The following CNGB3 variants were observed in gnomAD, a reference collection of about 807,000 sequenced individuals.
The protein encoded by CNGB3 is cyclic nucleotide gated channel subunit beta 3, also known as cyclic nucleotide-gated channel beta-3.
A neutral mutation model predicts 92.8 loss-of-function variants in CNGB3; 86 were observed. The ratio of observed to expected loss-of-function variants is 0.93; its 90% CI spans 0.78 to 1.11. The LOEUF (loss-of-function observed/expected upper bound fraction) is 1.11, where lower values mean the gene tolerates loss of function less well. Ranked by LOEUF, CNGB3 falls within the 50% of genes least tolerant of loss-of-function variation. CNGB3 has a pLI of 0.00. For missense variants in CNGB3, 1,026 were observed against 956.8 expected (o/e 1.07, Z -0.95); for synonymous variants, 333 against 332.7 (o/e 1.00, Z -0.01).
chr8:86,665,534 TG>T (rs34682621), intron 6 of CNGB3, among the ~76,000 whole-genome samples: 135,918 of 152,240 alleles, frequency 0.89, 60,955 homozygotes, highest in East Asian at 1. Flanking sequence ...CCACTAACAG[TG>T]GGACTGAATA....
intron 1 of CNGB3, among the ~76,000 whole-genome samples, chr8:86,742,262 G>A (rs1362049743): frequency 6.6e-6 from 1 of 152,214 alleles, no homozygotes; most frequent in Non-Finnish European, 1.5e-5. Context: ...AAGACTAGCT[G>A]AAGGAAAGTA....
At chr8:86,676,410 A>C (rs2131623654) in intron 3 of CNGB3, among the ~76,000 whole-genome samples, 1 of 152,302 alleles carries the variant, frequency 6.6e-6, no homozygotes, top group Admixed American at 6.5e-5. Context: ...AGAATACAAT[A>C]AAGGCTCAAA....
chr8:86,658,368 C>T, intron 6 of CNGB3: 1 of 437,814 alleles, frequency 2.3e-6, no homozygotes, highest in Non-Finnish European at 4.3e-6. Context: ...ATCTCCTTCC[C>T]CATGGAGAGC....
At position 86,575,126 on chromosome 8, in the gene CNGB3, G is replaced by T. The variant is rs1243095743; in HGVS notation, c.*678C>A. ...ATTGAAGTTTATTTCTTTAGTAAAGGGTACAATTTTTCCAATATGTTCCTG... is the reference window on the plus strand; with the variant it reads ...ATTGAAGTTTATTTCTTTAGTAAAGTGTACAATTTTTCCAATATGTTCCTG... On this transcript the variant is annotated 3_prime_UTR_variant, in exon 18 of 18. Coordinates refer to ENST00000320005, the MANE Select transcript of CNGB3 (RefSeq NM_019098.5). 2 of 152,022 alleles carry T rather than the reference G, an allele frequency of 1.3e-5. No individual in the cohort carries two copies. The highest frequency in any genetic ancestry group is 4.1e-4 in the South Asian group (2 of 4,826). The allele number at this position is 152,022 out of a possible 1,614,324, so 9.4% of individuals were successfully genotyped here.
intron 6 of CNGB3, chr8:86,658,583 C>A: frequency 2.9e-6 from 1 of 347,826 alleles, no homozygotes; most frequent in African/African-American, 2.1e-5. Flanking sequence ...GATAGGTGGC[C>A]ACATACTGCT....
chr8:86,592,006 G>T (rs201715884), intron 15 of CNGB3, among the ~76,000 whole-genome samples: 44 of 152,342 alleles, frequency 2.9e-4, no homozygotes, highest in Non-Finnish European at 5.6e-4. Flanking sequence ...CGTGGGCGTA[G>T]GACCCTCTGA....
intron 15 of CNGB3, among the ~76,000 whole-genome samples, chr8:86,603,837 A>G (rs971783664): frequency 6.6e-6 from 1 of 152,182 alleles, no homozygotes; most frequent in African/African-American, 2.4e-5. Context: ...TTGCACATCC[A>G]TTCAACATAT....
chr8:86,729,843 C>A (rs1000478806), intron 2 of CNGB3, among the ~76,000 whole-genome samples: 3 of 152,218 alleles, frequency 2.0e-5, no homozygotes, highest in Non-Finnish European at 4.4e-5. Context: ...CATTGTGATT[C>A]TTCCCAGCTT....
At chr8:86,659,179 C>T (rs902254116) in intron 6 of CNGB3, 22 of 713,024 alleles carry the variant, frequency 3.1e-5, no homozygotes, top group East Asian at 9.9e-5. Context: ...AATGTGTGCA[C>T]CTGCTCTGAC....
intron 15 of CNGB3, among the ~76,000 whole-genome samples, chr8:86,583,847 G>A (rs377481534): frequency 2.3e-4 from 35 of 149,020 alleles, no homozygotes; most frequent in African/African-American, 6.2e-4. Flanking sequence ...TTGACCCTGG[G>A]AGGTTGAGGC....
In CNGB3 at chr8:86,666,959, G is replaced by C. The variant is rs1466687341; in HGVS notation, c.818C>G (p.Pro273Arg). 5 of 1,612,972 alleles carry C rather than the reference G, an allele frequency of 3.1e-6. No homozygotes were observed. The highest frequency in any genetic ancestry group is 4.2e-6 in the Non-Finnish European group (5 of 1,179,980). Residue 273 changes from proline (P) to arginine (R), a missense_variant, in exon 6 of 18, where the codon CCC (proline) becomes CGC (arginine). Pro to Arg is a moderately radical substitution (Grantham distance 103). Coordinates refer to ENST00000320005, the MANE Select transcript of CNGB3 (RefSeq NM_019098.5). ...IYLYDMLFIQ[P>R]RLQFVRGGDI... ...TCCTCCTCTTACAAACTGGAGTCTG[G>C]GCTGGATAAATAGCATATCATAAAG...
intron 3 of CNGB3, among the ~76,000 whole-genome samples, chr8:86,722,699 T>C (rs996551272): frequency 3.3e-5 from 5 of 152,176 alleles, no homozygotes; most frequent in Non-Finnish European, 7.3e-5. Flanking sequence ...GCAAAGAAGC[T>C]GACTCTCCTG....
At position 86,601,334 on chromosome 8, in the gene CNGB3, A is replaced by G. The variant is rs544522043; in HGVS notation, c.1781+2759T>C. Among the ~76,000 whole-genome samples the G allele has an allele frequency of 3.3e-5, 5 of 152,318 alleles. No homozygotes were observed. In the South Asian group the frequency reaches 1.0e-3, roughly 32 times the overall value. ...GGAAAATGATGGACCTGGAACCACCACAAGGCCATCTCTCAGCAGACCCTG... is the reference window on the plus strand; with the variant it reads ...GGAAAATGATGGACCTGGAACCACCGCAAGGCCATCTCTCAGCAGACCCTG... On this transcript the variant is annotated intron_variant, in intron 15 of 17. Coordinates refer to ENST00000320005, the MANE Select transcript of CNGB3 (RefSeq NM_019098.5).
intron 3 of CNGB3, among the ~76,000 whole-genome samples, chr8:86,690,482 C>A (rs1824289722): frequency 6.6e-6 from 1 of 152,078 alleles, no homozygotes; most frequent in African/African-American, 2.4e-5. Flanking sequence ...GAGTAGATTG[C>A]AAAAATTTTC....
chr8:86,695,783 G>T (rs1195465123), intron 3 of CNGB3, among the ~76,000 whole-genome samples: 1 of 151,990 alleles, frequency 6.6e-6, no homozygotes, highest in Non-Finnish European at 1.5e-5. Context: ...CTTCTCATTT[G>T]GGAAAGATTT....
In CNGB3 at chr8:86,691,730, C is replaced by T. The variant is rs150478302; in HGVS notation, c.339-20632G>A. On this transcript the variant is annotated intron_variant, in intron 3 of 17. Coordinates refer to ENST00000320005, the MANE Select transcript of CNGB3 (RefSeq NM_019098.5). ...TTTTTTGTTTCAATTTCATTTAGTT[C>T]TGCTCTGACTTTGGTTATTTCTTTT... Among the ~76,000 whole-genome samples the T allele has an allele frequency of 2.6e-3, 392 of 152,094 alleles. 2 individuals carry two copies. The highest frequency in any genetic ancestry group is 9.1e-3 in the African/African-American group (378 of 41,510).
intron 3 of CNGB3, among the ~76,000 whole-genome samples, chr8:86,683,887 A>T (rs994174254): frequency 6.6e-6 from 1 of 152,216 alleles, no homozygotes; most frequent in Non-Finnish European, 1.5e-5. Flanking sequence ...TATATGTTTT[A>T]GAAAACAATA....
Position 86,690,438 on chromosome 8 carries a change from T to C in CNGB3, c.339-19340A>G, listed in dbSNP as rs564584973. On this transcript the variant is annotated intron_variant, in intron 3 of 17. Transcript: ENST00000320005. ...TTTTCTTGTAAATTTGTTTAAGTTC[T>C]TTGTAGATTCTAGATATTAGCCCTT... Among the ~76,000 whole-genome samples, 127 of 152,302 alleles carry C rather than the reference T, an allele frequency of 8.3e-4. 1 individual carries two copies. Among genetic ancestry groups the C allele is most frequent in the South Asian group, 1.9e-3 (9 of 4,828 alleles).
At chr8:86,616,037 C>G (rs1822614299) in intron 13 of CNGB3, among the ~76,000 whole-genome samples, 1 of 152,106 alleles carries the variant, frequency 6.6e-6, no homozygotes, top group Non-Finnish European at 1.5e-5. Context: ...CAATGGGAAA[C>G]GTGAGACCAA....
Sources: allele counts gnomAD v4.1 joint callset (sites outside exome capture counted in the v4.1 genomes callset), GRCh38; gene constraint gnomAD v4.1.1; transcripts MANE v1.5; gene names NCBI Gene and HGNC (gene_info 2026-07-23, HGNC 2026-07-21).